Variants in AGAP1 observed in about 807,000 individuals in gnomAD.
The protein encoded by AGAP1 is ArfGAP with GTPase domain, ankyrin repeat and PH domain 1, also known as arf-GAP with GTPase, ANK repeat and PH domain-containing protein 1.
AGAP1 carries 29 observed loss-of-function variants against 105.3 expected under a neutral mutation model. The ratio of observed to expected loss-of-function variants is 0.28; its 90% CI spans 0.21 to 0.38. AGAP1 has a LOEUF of 0.38. Ranked by LOEUF, AGAP1 falls within the 10% of genes least tolerant of loss-of-function variation. The pLI, the probability that AGAP1 is intolerant of heterozygous loss-of-function variation, is 1.00. For missense variants in AGAP1, 998 were observed against 1,165.1 expected, an observed-to-expected ratio of 0.86 and a Z score of 2.09; for synonymous variants, 509 against 485.9, an observed-to-expected ratio of 1.05 and a Z score of -0.63.
At position 236,036,427 on chromosome 2, in the gene AGAP1, G is replaced by T; in HGVS notation, c.1646-134G>T. The T allele has an allele frequency of 8.4e-7, 1 of 1,194,508 alleles. No individual in the cohort carries two copies. Among genetic ancestry groups the T allele is most frequent in the Non-Finnish European group, 1.2e-6 (1 of 850,746 alleles). The allele number at this position is 1,194,508 out of a possible 1,614,324, so 74.0% of individuals were successfully genotyped here. On this transcript the variant is annotated intron_variant, in intron 13 of 17. Transcript: ENST00000304032. This position sits in a 1 kb window ranked among gnomAD's most constrained non-coding sequence, Gnocchi z 5.7. ...ATGGATTCAAATCTCCGCCGCCGTG[G>T]TTGTCCAGTGCCGTGCGCCTCACCG...
At chr2:235,604,294 G>A (rs1471889774) in intron 1 of AGAP1, among the ~76,000 whole-genome samples, 1 of 151,976 alleles carries the variant, frequency 6.6e-6, no homozygotes, top group African/African-American at 2.4e-5. Flanking sequence ...AGGCTGGGCA[G>A]CATAGTGAGA....
rs1261770460 is a variant in AGAP1 at position 235,882,589 on chromosome 2, G to A, written c.1051-756G>A. On this transcript the variant is annotated intron_variant, in intron 9 of 17. Transcript: ENST00000304032. This position sits in a 1 kb window ranked among gnomAD's most constrained non-coding sequence, Gnocchi z 4.6. ...AGCAATTCCCCTGCTCAGCCTCCCC[G>A]AGTAGCTGGGATTATAGGTGCCCAC... 18 of 506,290 alleles carry A rather than the reference G, an allele frequency of 3.6e-5. No individual in the cohort carries two copies. The highest frequency in any genetic ancestry group is 5.0e-5 in the Non-Finnish European group (14 of 282,370). 31.4% of individuals were successfully genotyped at this position (506,290 alleles called of 1,614,324 possible). A position where few individuals can be genotyped will look rare whatever the true frequency, so the allele number is the denominator to read the frequency against.
At chr2:235,926,235 A>G (rs1275235799) in intron 11 of AGAP1, among the ~76,000 whole-genome samples, 1 of 152,220 alleles carries the variant, frequency 6.6e-6, no homozygotes, top group Non-Finnish European at 1.5e-5. Context: ...TGACACTATA[A>G]TTGGATATGG....
At chr2:235,628,071 A>G (rs995220551) in intron 1 of AGAP1, among the ~76,000 whole-genome samples, 2 of 152,128 alleles carry the variant, frequency 1.3e-5, no homozygotes, top group African/African-American at 4.8e-5. Context: ...CCCCGAAGCA[A>G]GGTGGACCTG....
chr2:235,885,656 A>C (rs932210341), intron 10 of AGAP1, among the ~76,000 whole-genome samples: 1 of 152,254 alleles, frequency 6.6e-6, no homozygotes. Flanking sequence ...GATAGGTAGC[A>C]CATGGGAACC....
intron 12 of AGAP1, among the ~76,000 whole-genome samples, chr2:235,966,348 T>C (rs767741450): frequency 3.6e-4 from 55 of 151,926 alleles, no homozygotes; most frequent in Admixed American, 1.3e-4. Flanking sequence ...AGCCTGTTCC[T>C]CTAAGGATGG....
chr2:235,608,785 T>A lies in AGAP1; in HGVS notation c.164-100394T>A, dbSNP rs1177934014. ...TCCATGGAATATATCTGATGGCAGG[T>A]CTTGAGGTCAGTCTGTCAGAGGCCT... is the stretch of plus-strand genomic sequence containing the variant. On this transcript the variant is annotated intron_variant, in intron 1 of 17. Coordinates refer to ENST00000304032, the MANE Select transcript of AGAP1 (RefSeq NM_001037131.3). The surrounding 1 kb of genome is among the most constrained non-coding windows in gnomAD (Gnocchi z 5.4). Among the ~76,000 whole-genome samples, 1 of 151,996 alleles carries A rather than the reference T, an allele frequency of 6.6e-6. No individual in the cohort carries two copies. The highest frequency in any genetic ancestry group is 1.5e-5 in the Non-Finnish European group (1 of 68,004).
intron 12 of AGAP1, among the ~76,000 whole-genome samples, chr2:235,946,647 C>T (rs1429847271): frequency 6.6e-6 from 1 of 152,136 alleles, no homozygotes; most frequent in Non-Finnish European, 1.5e-5. Context: ...TCTCTGTGTC[C>T]AGAAGTAGGG....
chr2:235,589,189 G>GTTTTTTTTTTTTTTTTTTTT (rs1205771315), intron 1 of AGAP1, among the ~76,000 whole-genome samples: 2 of 54,926 alleles, frequency 3.6e-5, no homozygotes, highest in African/African-American at 5.1e-5. Context: ...ATAGCTTATT[G>GTTTTTTTTTTTTTTTTTTTT]TTTTGTTTTT....
chr2:235,642,542 C>T lies in AGAP1; in HGVS notation c.164-66637C>T, dbSNP rs1219789810. Among the ~76,000 whole-genome samples, 2 of 152,166 alleles carry T rather than the reference C, an allele frequency of 1.3e-5. No homozygotes were observed. The highest frequency in any genetic ancestry group is 2.4e-5 in the African/African-American group (1 of 41,450). ...CTGGACTTGTCTTCTCCACCTTCCA[C>T]TTGTCCTAACAGCTGTCGGGACCAT... On this transcript the variant is annotated intron_variant, in intron 1 of 17. Transcript: ENST00000304032. The surrounding 1 kb of genome is among the most constrained non-coding windows in gnomAD (Gnocchi z 4.1).
chr2:235,739,886 C>T lies in AGAP1; in HGVS notation c.311-1077C>T, dbSNP rs949039586. On this transcript the variant is annotated intron_variant, in intron 3 of 17. Coordinates refer to ENST00000304032, the MANE Select transcript of AGAP1 (RefSeq NM_001037131.3). This position sits in a 1 kb window ranked among gnomAD's most constrained non-coding sequence, Gnocchi z 5.3. ...GGAGGGAATCAGACGTCGCTCTGGG[C>T]GGCAGTGGAGCTGGCAGGCAGCCTC... is the stretch of plus-strand genomic sequence containing the variant. Among the ~76,000 whole-genome samples, 3 of 152,300 alleles carry T rather than the reference C, an allele frequency of 2.0e-5. No individual in the cohort carries two copies. Among genetic ancestry groups the T allele is most frequent in the Middle Eastern group, 3.4e-3 (1 of 294 alleles).
At chr2:235,513,312 G>C (rs1435734929) in intron 1 of AGAP1, among the ~76,000 whole-genome samples, 1 of 152,056 alleles carries the variant, frequency 6.6e-6, no homozygotes, top group Non-Finnish European at 1.5e-5. Context: ...CTTGAAGTCA[G>C]GAGTTAGAGA....
At chr2:235,545,510 GT>G (rs1363721415) in intron 1 of AGAP1, among the ~76,000 whole-genome samples, 2 of 152,140 alleles carry the variant, frequency 1.3e-5, no homozygotes, top group Admixed American at 1.3e-4. Context: ...AGCAGCTGGG[GT>G]TTTCTGCTTT....
intron 1 of AGAP1, among the ~76,000 whole-genome samples, chr2:235,521,701 G>T (rs1021372998): frequency 6.6e-6 from 1 of 150,770 alleles, no homozygotes; most frequent in Middle Eastern, 3.4e-3. Context: ...ATTAATAGAC[G>T]TTGGGATCGA....
chr2:235,655,694 C>T lies in AGAP1; in HGVS notation c.164-53485C>T, dbSNP rs190586257. Among the ~76,000 whole-genome samples, 6 of 152,346 alleles carry T rather than the reference C, an allele frequency of 3.9e-5. No homozygotes were observed. The East Asian group carries it at 1.2e-3, about 29-fold the overall frequency. On this transcript the variant is annotated intron_variant, in intron 1 of 17. Transcript: ENST00000304032. This position sits in a 1 kb window ranked among gnomAD's most constrained non-coding sequence, Gnocchi z 4.3. ...AGCGAAGCAGGTGCCCCGTGTGTTG[C>T]TCTGCAAGTCCACATGGAGCAGGAT...
rs1958980604 is a variant in AGAP1 at position 235,824,822 on chromosome 2, T to A, written c.1050+17491T>A. On this transcript the variant is annotated intron_variant, in intron 9 of 17. Transcript: ENST00000304032. The surrounding 1 kb of genome is among the most constrained non-coding windows in gnomAD (Gnocchi z 5.2). ...TTTTCTCAGGCATATTGTTGTTTTA[T>A]GTATACCCATCAAGGTAACCGGTGC... 6.6e-6 allele frequency among the ~76,000 whole-genome samples: 1 copy of A among 152,214 alleles called. No individual in the cohort carries two copies. The highest frequency in any genetic ancestry group is 6.5e-5 in the Admixed American group (1 of 15,274).
chr2:235,852,911 C>T, intron 9 of AGAP1: 2 of 1,323,626 alleles, frequency 1.5e-6, no homozygotes, highest in Non-Finnish European at 1.9e-6. Context: ...CAGGCCGCTG[C>T]TGTTTGTCCT....
At chr2:236,026,531 C>A (rs1453818667) in intron 13 of AGAP1, among the ~76,000 whole-genome samples, 1 of 152,180 alleles carries the variant, frequency 6.6e-6, no homozygotes, top group African/African-American at 2.4e-5. Flanking sequence ...AAGTTCGAGA[C>A]CAGCCTGGCC....
intron 13 of AGAP1, among the ~76,000 whole-genome samples, chr2:236,025,031 A>AT (rs1381547173): frequency 6.6e-6 from 1 of 152,108 alleles, no homozygotes; most frequent in East Asian, 1.9e-4. Context: ...TGGCATCTTG[A>AT]TTTTTCAGGA....
Sources: gnomAD v4.1 joint callset for allele counts (sites outside exome capture counted in the v4.1 genomes callset) on GRCh38, gnomAD v4.1.1 for gene constraint, Gnocchi (gnomAD v3.1) non-coding constraint, MANE v1.5 for transcripts, NCBI Gene and HGNC (gene_info 2026-07-23, HGNC 2026-07-21) for gene names.